RBFOX1: variants seen among roughly 807,000 people sequenced by gnomAD.
The protein encoded by RBFOX1 is RNA binding protein fox-1 homolog 1.
In RBFOX1, 8 loss-of-function variants were observed where a neutral mutation model predicts 57.7. The ratio of observed to expected loss-of-function variants is 0.14; its 90% confidence interval spans 0.08 to 0.25. RBFOX1 has a LOEUF of 0.25. Among genes scored for constraint, RBFOX1 ranks in the 10% least tolerant of loss-of-function variants. The pLI is 1.00. For synonymous variants in RBFOX1, 326 were observed against 222.4 expected, an observed-to-expected ratio of 1.47 and a Z score of -4.15; for missense variants, 611 against 548.5, an observed-to-expected ratio of 1.11 and a Z score of -1.14.
intron 4 of RBFOX1, among the ~76,000 whole-genome samples, chr16:7,286,096 A>T (rs547713216): frequency 1.8e-4 from 28 of 152,362 alleles, no homozygotes; most frequent in African/African-American, 6.7e-4. Flanking sequence ...ATAAATATTT[A>T]TAGATGATTT....
chr16:7,288,631 AG>A (rs1333142599), intron 4 of RBFOX1, among the ~76,000 whole-genome samples: 1 of 152,210 alleles, frequency 6.6e-6, no homozygotes, highest in African/African-American at 2.4e-5. Context: ...ACTTGAGGTC[AG>A]GAGTTCGAGA....
At chr16:6,759,149 CTT>C (rs55903030) in intron 3 of RBFOX1, among the ~76,000 whole-genome samples, 1 of 147,216 alleles carries the variant, frequency 6.8e-6, no homozygotes, top group Non-Finnish European at 1.5e-5. Context: ...CTTATCAATT[CTT>C]TTTTTTTTTT....
chr16:6,977,392 G>T (rs182895059), intron 3 of RBFOX1, among the ~76,000 whole-genome samples: 2 of 151,908 alleles, frequency 1.3e-5, no homozygotes, highest in Admixed American at 1.3e-4. Context: ...CTGGACACTC[G>T]CAAGTCTGGT....
At chr16:6,613,772 A>G (rs1003492968) in intron 2 of RBFOX1, among the ~76,000 whole-genome samples, 1 of 152,140 alleles carries the variant, frequency 6.6e-6, no homozygotes, top group African/African-American at 2.4e-5. Flanking sequence ...CCCCATCTCT[A>G]CTACAAATAT....
chr16:6,277,858 T>C (rs2075990452), intron 1 of RBFOX1, among the ~76,000 whole-genome samples: 1 of 152,094 alleles, frequency 6.6e-6, no homozygotes, highest in African/African-American at 2.4e-5. Context: ...ACTTTTGATC[T>C]GCTGGGATTG....
intron 4 of RBFOX1, among the ~76,000 whole-genome samples, chr16:7,310,203 G>T (rs2096277438): frequency 6.6e-6 from 1 of 152,214 alleles, no homozygotes; most frequent in African/African-American, 2.4e-5. Context: ...CCTCTGCTGG[G>T]AGACAGAGCT....
At chr16:6,007,904 G>C (rs78140962) in intron 4 of RBFOX1, among the ~76,000 whole-genome samples, 158 of 152,206 alleles carry the variant, frequency 1.0e-3, no homozygotes, top group African/African-American at 3.6e-3. Flanking sequence ...GCAGTGGAGA[G>C]GAGTATCATT....
intron 1 of RBFOX1, among the ~76,000 whole-genome samples, chr16:5,420,217 A>G (rs973248382): frequency 6.6e-6 from 1 of 152,216 alleles, no homozygotes; most frequent in Non-Finnish European, 1.5e-5. Context: ...GTAGATTTAA[A>G]CAAACAAGGT....
intron 4 of RBFOX1, among the ~76,000 whole-genome samples, chr16:7,468,970 G>C (rs2061041388): frequency 6.6e-6 from 1 of 151,942 alleles, no homozygotes; most frequent in Non-Finnish European, 1.5e-5. Context: ...GTCTCATTCT[G>C]TCACCCAGGC....
intron 2 of RBFOX1, among the ~76,000 whole-genome samples, chr16:5,480,351 C>G (rs1192253682): frequency 6.6e-6 from 1 of 151,442 alleles, no homozygotes; most frequent in Non-Finnish European, 1.5e-5. Flanking sequence ...AAACACCTCG[C>G]CCATCTATGC....
chr16:7,156,707 A>C (rs1330745459), intron 4 of RBFOX1, among the ~76,000 whole-genome samples: 1 of 152,134 alleles, frequency 6.6e-6, no homozygotes, highest in Admixed American at 6.6e-5. Flanking sequence ...TATGAGTGAG[A>C]CATTTAATGG....
intron 3 of RBFOX1, among the ~76,000 whole-genome samples, chr16:5,856,575 G>GTATATATATATATATATATATATATA (rs375112636): frequency 3.6e-4 from 12 of 32,904 alleles, no homozygotes; most frequent in South Asian, 1.5e-3. Context: ...GTGTGTGTGT[G>GTATATATATATATATATATATATATA]TATATATATA....
intron 3 of RBFOX1, among the ~76,000 whole-genome samples, chr16:6,975,414 T>A (rs775246594): frequency 1.3e-5 from 2 of 152,092 alleles, no homozygotes; most frequent in African/African-American, 2.4e-5. Flanking sequence ...TACAGGCACA[T>A]ACCACCATAC....
chr16:7,010,902 T>C (rs773805202), intron 3 of RBFOX1, among the ~76,000 whole-genome samples: 2 of 152,146 alleles, frequency 1.3e-5, no homozygotes, highest in Non-Finnish European at 2.9e-5. Flanking sequence ...GAGCAGAAGA[T>C]AGTGTGCTGA....
intron 14 of RBFOX1, among the ~76,000 whole-genome samples, chr16:7,701,064 G>A (rs756179675): frequency 6.6e-6 from 1 of 152,100 alleles, no homozygotes; most frequent in Non-Finnish European, 1.5e-5. Flanking sequence ...TACTTCTCAG[G>A]GGAGGCAGGG....
At chr16:6,388,008 G>A (rs1488908439) in intron 2 of RBFOX1, among the ~76,000 whole-genome samples, 1 of 133,966 alleles carries the variant, frequency 7.5e-6, no homozygotes, top group Non-Finnish European at 1.5e-5. Context: ...TGGAGACAGA[G>A]TCTTGCTTTT....
At position 6,478,409 on chromosome 16, in the gene RBFOX1, ATATATATATATATATATATAT is replaced by A. The variant is rs1183355913; in HGVS notation, c.-64+161354_-64+161374del. Among the ~76,000 whole-genome samples the A allele has an allele frequency of 3.9e-3, 121 of 30,658 alleles. 5 individuals are homozygous for A. In the South Asian group the frequency reaches 0.045, roughly 11 times the overall value. 20.1% of individuals were successfully genotyped at this position (30,658 alleles called of 152,430 possible). On this transcript the variant is annotated intron_variant, in intron 2 of 15. Transcript: ENST00000550418. ...AGCTAATATATATATATATATATAT[ATATATATATATATATATATAT>A]TTTTTTTTTTTTTTTTTGTATTTTT...
intron 3 of RBFOX1, among the ~76,000 whole-genome samples, chr16:5,727,239 TCCAGCCTGGGC>T (rs2052186107): frequency 6.6e-6 from 1 of 151,490 alleles, no homozygotes; most frequent in Non-Finnish European, 1.5e-5. Context: ...GCCACTGCAC[TCCAGCCTGGGC>T]AACAGAGTAA....
chr16:5,593,960 G>T (rs373735997), intron 2 of RBFOX1, among the ~76,000 whole-genome samples: 1 of 152,068 alleles, frequency 6.6e-6, no homozygotes, highest in African/African-American at 2.4e-5. Context: ...TGCTTCATCC[G>T]TAGGAACCCG....
Sources: allele counts gnomAD v4.1 joint callset (sites outside exome capture counted in the v4.1 genomes callset), GRCh38; gene constraint gnomAD v4.1.1; transcripts MANE v1.5; gene names NCBI Gene and HGNC (gene_info 2026-07-23, HGNC 2026-07-21).